The following NEU1 variants were observed in gnomAD, a reference collection of about 807,000 sequenced individuals.
The protein encoded by NEU1 is sialidase-1.
A neutral mutation model predicts 38.3 loss-of-function variants in NEU1; 32 were observed. That is an observed-to-expected ratio of 0.84 (90% confidence interval 0.63 to 1.12). The LOEUF (loss-of-function observed/expected upper bound fraction) is 1.12, where lower values mean the gene tolerates loss of function less well. NEU1 is among the 50% of genes most tolerant of loss of function. The probability of loss-of-function intolerance (pLI) is 0.00; values close to 1 mark genes in which losing one functional copy is unlikely to be tolerated. For missense variants in NEU1, 431 were observed against 549.2 expected (o/e 0.78, Z 2.15); for synonymous variants, 192 against 225.2 (o/e 0.85, Z 1.32).
In NEU1 at chr6:31,860,144, C is replaced by T; in HGVS notation, c.919G>A (p.Val307Met). The change falls in exon 5 of 6, where the codon GTG becomes ATG. Residue 307 changes from valine to methionine, a missense_variant. By Grantham distance (21) the Val-to-Met change is conservative. Coordinates refer to ENST00000375631, the MANE Select transcript of NEU1 (RefSeq NM_000434.4). The surrounding 1 kb of genome is among the most constrained non-coding windows in gnomAD (Gnocchi z 4.8). The stretch of plus-strand genomic sequence containing the variant: ...TCCACGAGCTCAGGGTCGAAGGTCA[C>T]ATCACGGGGCCTTAGTGTATCACAG... The part of the protein sequence containing the change: ...DACDTLRPRD[V>M]TFDPELVDPV... 1 of 1,613,050 alleles carries T rather than the reference C, an allele frequency of 6.2e-7. No individual in the cohort carries two copies. Among genetic ancestry groups the T allele is most frequent in the Non-Finnish European group, 8.5e-7 (1 of 1,180,028 alleles).
In NEU1 at chr6:31,862,629, C is replaced by T. The variant is rs761439779; in HGVS notation, c.148G>A (p.Asp50Asn). The T allele has an allele frequency of 1.9e-6, 3 of 1,613,102 alleles. No homozygotes were observed. The Admixed American group carries it at 5.0e-5, about 27-fold the overall frequency. The change falls in exon 1 of 6, where the codon GAC becomes AAC. Residue 50 changes from aspartate (D) to asparagine (N), a missense_variant. Coordinates refer to ENST00000375631, the MANE Select transcript of NEU1 (RefSeq NM_000434.4). This position sits in a 1 kb window ranked among gnomAD's most constrained non-coding sequence, Gnocchi z 6.3. Reference sequence around the variant, plus strand: ...AAAGGGTGACTCACCAGACCGAAGTCGTTCTCAGCCTTGGACCAGGAGGCT... The same window carrying T: ...AAAGGGTGACTCACCAGACCGAAGTTGTTCTCAGCCTTGGACCAGGAGGCT... ...LAASWSKAEN[D>N]FGLVQPLVTM...
rs1762464956 is a variant in NEU1 at position 31,860,474 on chromosome 6, T to C, written c.763A>G (p.Lys255Glu). The change falls in exon 4 of 6, where the codon AAG becomes GAG. Residue 255 changes from lysine (K) to glutamate (E), a missense_variant. Lys to Glu is a moderately conservative substitution (Grantham distance 56). Coordinates refer to ENST00000375631, the MANE Select transcript of NEU1 (RefSeq NM_000434.4). This position sits in a 1 kb window ranked among gnomAD's most constrained non-coding sequence, Gnocchi z 4.8. ...TCAGGATTGAAATCATTTTCCTGCT[T>C]GGGCTGACCGTAGGGGATGCCGCTG... ...GVSGIPYGQP[K>E]QENDFNPDEC... 1 of 1,613,922 alleles carries C rather than the reference T, an allele frequency of 6.2e-7. No individual in the cohort carries two copies. Among genetic ancestry groups the C allele is most frequent in the African/African-American group, 1.3e-5 (1 of 74,858 alleles).
At position 31,860,920 on chromosome 6, in the gene NEU1, A is replaced by G; in HGVS notation, c.615+268T>C. Reference sequence around the variant, plus strand: ...CCCTGGCACAGGCTTGTGTCTGTCCAAAGAGGCAGTGCCTTTTTCTACTTT... The same window carrying G: ...CCCTGGCACAGGCTTGTGTCTGTCCGAAGAGGCAGTGCCTTTTTCTACTTT... On this transcript the variant is annotated intron_variant, in intron 3 of 5. Coordinates refer to ENST00000375631, the MANE Select transcript of NEU1 (RefSeq NM_000434.4). The surrounding 1 kb of genome is among the most constrained non-coding windows in gnomAD (Gnocchi z 4.8). 1.6e-6 allele frequency: 1 copy of G among 620,448 alleles called. No homozygotes were observed. The highest frequency in any genetic ancestry group is 2.8e-6 in the Non-Finnish European group (1 of 355,392). 38.4% of individuals were successfully genotyped at this position (620,448 alleles called of 1,614,324 possible).
In NEU1 at chr6:31,861,405, A is replaced by G. The variant is rs1762505446; in HGVS notation, c.398T>C (p.Val133Ala). 1 of 1,612,850 alleles carries G rather than the reference A, an allele frequency of 6.2e-7. No homozygotes were observed. Among genetic ancestry groups the G allele is most frequent in the Non-Finnish European group, 8.5e-7 (1 of 1,180,042 alleles). The stretch of plus-strand genomic sequence containing the variant: ...TGCCCCAAGGTTCAGCCCATCGGGG[A>G]CATCCCCATCATTGACAATGAACGC... ...PTAFIVNDGD[V>A]PDGLNLGAVV... The change falls in exon 3 of 6, where the codon GTC becomes GCC. Residue 133 changes from valine to alanine, a missense_variant. Transcript: ENST00000375631.
chr6:31,862,784 C>T lies in NEU1; in HGVS notation c.-8G>A, dbSNP rs768665574. 60 of 1,612,414 alleles carry T rather than the reference C, an allele frequency of 3.7e-5. No homozygotes were observed. Among genetic ancestry groups the T allele is most frequent in the Non-Finnish European group, 4.5e-5 (53 of 1,179,868 alleles). On this transcript the variant is annotated 5_prime_UTR_variant, in exon 1 of 6. Transcript: ENST00000375631. This position sits in a 1 kb window ranked among gnomAD's most constrained non-coding sequence, Gnocchi z 6.3. ...GGGTCGCTCCCCAGTCATCTCTCCC[C>T]GCAGCTGCCGCGACCCTGGCAGCTA...
Position 31,862,239 on chromosome 6 carries a change from GT to G in NEU1, c.160-49del, listed in dbSNP as rs1262123816. ...CAACAAAGACAAACTTGTCTTGGGG[GT>G]TTTAGGAACCCACGTTCCGATGGGA... On this transcript the variant is annotated intron_variant, in intron 1 of 5. Coordinates refer to ENST00000375631, the MANE Select transcript of NEU1 (RefSeq NM_000434.4). The surrounding 1 kb of genome is among the most constrained non-coding windows in gnomAD (Gnocchi z 6.3). 1.9e-6 allele frequency: 3 copies of G among 1,603,634 alleles called. No homozygotes were observed. The highest frequency in any genetic ancestry group is 2.6e-6 in the Non-Finnish European group (3 of 1,174,374).
At position 31,859,212 on chromosome 6, in the gene NEU1, T is replaced by C. The variant is rs1341361980; in HGVS notation, c.*507A>G. ...ACCATAGAGACTCTACAAATATTCA[T>C]TATCCTTCATTAAAAATTTTAAGTT... On this transcript the variant is annotated 3_prime_UTR_variant, in exon 6 of 6. Coordinates refer to ENST00000375631, the MANE Select transcript of NEU1 (RefSeq NM_000434.4). 3.9e-6 allele frequency: 1 copy of C among 254,710 alleles called. No homozygotes were observed. Among genetic ancestry groups the C allele is most frequent in the Admixed American group, 5.0e-5 (1 of 20,002 alleles). The allele number at this position is 254,710 out of a possible 1,614,324, so 15.8% of individuals were successfully genotyped here. A position where few individuals can be genotyped will look rare whatever the true frequency, so the allele number is the denominator to read the frequency against.
In NEU1 at chr6:31,861,411, C is replaced by T; in HGVS notation, c.392G>A (p.Gly131Glu). Residue 131 changes from glycine (G) to glutamate (E), a missense_variant, in exon 3 of 6, where the codon GGG becomes GAG. Physicochemically the swap from Gly to Glu is moderately conservative, Grantham distance 98. Coordinates refer to ENST00000375631, the MANE Select transcript of NEU1 (RefSeq NM_000434.4). Reference protein sequence around the residue: ...WSPTAFIVNDGDVPDGLNLGA... With the variant: ...WSPTAFIVNDEDVPDGLNLGA... The stretch of plus-strand genomic sequence containing the variant: ...AAGGTTCAGCCCATCGGGGACATCC[C>T]CATCATTGACAATGAACGCTGTAGG... 2 of 1,612,936 alleles carry T rather than the reference C, an allele frequency of 1.2e-6. No homozygotes were observed. The highest frequency in any genetic ancestry group is 1.3e-5 in the African/African-American group (1 of 75,016).
chr6:31,861,374 C>T lies in NEU1; in HGVS notation c.429G>A (p.Val143=). 1 of 1,613,024 alleles carries T rather than the reference C, an allele frequency of 6.2e-7. No individual in the cohort carries two copies. The highest frequency in any genetic ancestry group is 8.5e-7 in the Non-Finnish European group (1 of 1,180,042). The part of the protein sequence containing the change: ...VPDGLNLGAV[V]SDVETGVVFL... ...ATACTACTCCTGTCTCAACATCGCT[C>T]ACTACTGCCCCAAGGTTCAGCCCAT... Residue 143 remains valine (V), a synonymous_variant, in exon 3 of 6, where the codon GTG becomes GTA. Coordinates refer to ENST00000375631, the MANE Select transcript of NEU1 (RefSeq NM_000434.4).
Position 31,859,472 on chromosome 6 carries a change from GGC to G in NEU1, c.*245_*246del, listed in dbSNP as rs1370893564. ...CCCGGGAGGGCAGAGAGGGTGGTGG[GGC>G]CACACTTAGCCATATGGAAAGACAG... is the stretch of plus-strand genomic sequence containing the variant. On this transcript the variant is annotated 3_prime_UTR_variant, in exon 6 of 6. Transcript: ENST00000375631. The G allele has an allele frequency of 3.2e-6, 2 of 619,368 alleles. No homozygotes were observed. Among genetic ancestry groups the G allele is most frequent in the Non-Finnish European group, 5.8e-6 (2 of 344,296 alleles). 38.4% of individuals were successfully genotyped at this position (619,368 alleles called of 1,614,324 possible). A position where few individuals can be genotyped will look rare whatever the true frequency, so the allele number is the denominator to read the frequency against.
At position 31,862,111 on chromosome 6, in the gene NEU1, C is replaced by T; in HGVS notation, c.240G>A (p.Pro80=). The T allele has an allele frequency of 6.2e-7, 1 of 1,613,060 alleles. No homozygotes were observed. The change falls in exon 2 of 6, where the codon CCG becomes CCA. Residue 80 remains proline (P), a synonymous_variant. Transcript: ENST00000375631. The surrounding 1 kb of genome is among the most constrained non-coding windows in gnomAD (Gnocchi z 6.3). The part of the protein sequence containing the change: ...QIGSVDTFRI[P]LITATPRGTL... ...TGCCCCGCGGAGTGGCTGTGATGAGCGGGATGCGGAAGGTGTCCACTGAGC... is the reference window on the plus strand; with the variant it reads ...TGCCCCGCGGAGTGGCTGTGATGAGTGGGATGCGGAAGGTGTCCACTGAGC...
Position 31,860,666 on chromosome 6 carries a change from C to T in NEU1, c.616-45G>A. 1.2e-6 allele frequency: 2 copies of T among 1,608,290 alleles called. No homozygotes were observed. Among genetic ancestry groups the T allele is most frequent in the Non-Finnish European group, 1.7e-6 (2 of 1,176,882 alleles). Reference sequence around the variant, plus strand: ...GTGTCACAGAAGGAGACTCTAGGGGCTCAGAGGCAGGGACAGAGAACCCAC... The same window carrying T: ...GTGTCACAGAAGGAGACTCTAGGGGTTCAGAGGCAGGGACAGAGAACCCAC... On this transcript the variant is annotated intron_variant, in intron 3 of 5. Transcript: ENST00000375631. The surrounding 1 kb of genome is among the most constrained non-coding windows in gnomAD (Gnocchi z 4.8).
Position 31,861,197 on chromosome 6 carries a change from A to G in NEU1, c.606T>C (p.Ser202=). Residue 202 remains serine, a synonymous_variant, in exon 3 of 6, where the codon TCT becomes TCC. Coordinates refer to ENST00000375631, the MANE Select transcript of NEU1 (RefSeq NM_000434.4). ...CTCCTAGGACAGAGACCTGAATACC[A>G]GAGCCCGGTCCAGGGGCAAACACTT... ...GTEVFAPGPG[S]GIQKQREPRK... 1 of 1,611,704 alleles carries G rather than the reference A, an allele frequency of 6.2e-7. No homozygotes were observed. Among genetic ancestry groups the G allele is most frequent in the Non-Finnish European group, 8.5e-7 (1 of 1,180,030 alleles).
At position 31,862,191 on chromosome 6, in the gene NEU1, C is replaced by T. The variant is rs1762547799; in HGVS notation, c.160G>A (p.Val54Met). The T allele has an allele frequency of 6.2e-7, 1 of 1,612,684 alleles. No individual in the cohort carries two copies. The highest frequency in any genetic ancestry group is 8.5e-7 in the Non-Finnish European group (1 of 1,179,946). Residue 54 changes from valine (V) to methionine (M), a missense_variant and splice_region_variant, in exon 2 of 6, where the codon GTG becomes ATG. Val to Met is a conservative substitution (Grantham distance 21, BLOSUM62 1). Transcript: ENST00000375631. The surrounding 1 kb of genome is among the most constrained non-coding windows in gnomAD (Gnocchi z 6.3). Reference sequence around the variant, plus strand: ...TGCTCCATGGTCACCAGCGGCTGCACCTGTCATGGGAGGAGGAAGGGTCAA... The same window carrying T: ...TGCTCCATGGTCACCAGCGGCTGCATCTGTCATGGGAGGAGGAAGGGTCAA... Reference protein sequence around the residue: ...WSKAENDFGLVQPLVTMEQLL... With the variant: ...WSKAENDFGLMQPLVTMEQLL...
rs1178491871 is a variant in NEU1, at chr6:31,862,608, G to A, written c.159+10C>T. 1 of 1,613,066 alleles carries A rather than the reference G, an allele frequency of 6.2e-7. No individual in the cohort carries two copies. The highest frequency in any genetic ancestry group is 8.5e-7 in the Non-Finnish European group (1 of 1,180,034). ...GGGTCGGGGATGGGGCTATGCAAAG[G>A]GTGACTCACCAGACCGAAGTCGTTC... On this transcript the variant is annotated intron_variant, in intron 1 of 5. Transcript: ENST00000375631. The surrounding 1 kb of genome is among the most constrained non-coding windows in gnomAD (Gnocchi z 6.3).
rs1762442393 is a variant in NEU1, at chr6:31,860,053, T to C, written c.1010A>G (p.His337Arg). 3 of 1,612,926 alleles carry C rather than the reference T, an allele frequency of 1.9e-6. No homozygotes were observed. The highest frequency in any genetic ancestry group is 1.7e-6 in the Non-Finnish European group (2 of 1,180,002). The change falls in exon 5 of 6, where the codon CAT (histidine) becomes CGT (arginine). Residue 337 changes from histidine (H) to arginine (R), a missense_variant. Coordinates refer to ENST00000375631, the MANE Select transcript of NEU1 (RefSeq NM_000434.4). The surrounding 1 kb of genome is among the most constrained non-coding windows in gnomAD (Gnocchi z 4.8). Reference protein sequence around the residue: ...SGIVFFSNPAHPEFRVNLTLR... With the variant: ...SGIVFFSNPARPEFRVNLTLR... ...CATGAGGCACTCACGGAACTCTGGA[T>C]GTGCTGGGTTGGAGAAGAAGACAAT...
chr6:31,859,983 G>A (rs745396574), intron 5 of NEU1, 38 bp from the exon 6 acceptor site: 11 of 1,611,996 alleles, frequency 6.8e-6, no homozygotes, highest in East Asian at 2.2e-5. Flanking sequence ...GAGGGTCTCT[G>A]CCCAGGCCTT....
In NEU1 at chr6:31,861,170, A is replaced by G. The variant is rs1416355477; in HGVS notation, c.615+18T>C. On this transcript the variant is annotated intron_variant, in intron 3 of 5. Coordinates refer to ENST00000375631, the MANE Select transcript of NEU1 (RefSeq NM_000434.4). Reference sequence around the variant, plus strand: ...CTCCACAAGGCAGCCCCCTCCACCTATCTCCTAGGACAGAGACCTGAATAC... The same window carrying G: ...CTCCACAAGGCAGCCCCCTCCACCTGTCTCCTAGGACAGAGACCTGAATAC... The G allele has an allele frequency of 1.9e-6, 3 of 1,611,042 alleles. No homozygotes were observed. The highest frequency in any genetic ancestry group is 1.7e-6 in the Non-Finnish European group (2 of 1,179,950).
In NEU1 at chr6:31,859,099, CA is replaced by C. The variant is rs1316433149; in HGVS notation, c.*619del. Reference sequence around the variant, plus strand: ...TTTGCCAAAGTCAGATTTTCACAGGCAGTACGCACATCAGGTCTCTCCCCAG... The same window carrying C: ...TTTGCCAAAGTCAGATTTTCACAGGCGTACGCACATCAGGTCTCTCCCCAG... On this transcript the variant is annotated 3_prime_UTR_variant, in exon 6 of 6. Transcript: ENST00000375631. 1 of 160,162 alleles carries C rather than the reference CA, an allele frequency of 6.2e-6. No individual in the cohort carries two copies. Among genetic ancestry groups the C allele is most frequent in the East Asian group, 1.8e-4 (1 of 5,614 alleles). The allele number at this position is 160,162 out of a possible 1,614,324, so 9.9% of individuals were successfully genotyped here.
Sources: gnomAD v4.1 joint callset for allele counts on GRCh38, gnomAD v4.1.1 for gene constraint, Gnocchi (gnomAD v3.1) non-coding constraint, MANE v1.5 for transcripts, NCBI Gene and HGNC (gene_info 2026-07-23, HGNC 2026-07-21) for gene names.